The following VPS41 variants were observed in gnomAD, a reference collection of about 807,000 sequenced individuals.
The protein encoded by VPS41 is vacuolar protein sorting-associated protein 41 homolog.
In VPS41, 85 loss-of-function variants were observed where a neutral mutation model predicts 130.9. The observed-to-expected ratio is 0.65, with a 90% confidence interval of 0.55 to 0.78. The LOEUF (loss-of-function observed/expected upper bound fraction) is 0.78, where lower values mean the gene tolerates loss of function less well. Among genes scored for constraint, VPS41 ranks in the 30% least tolerant of loss-of-function variants. The pLI is 0.00. For missense variants in VPS41, 874 were observed against 1,018.7 expected (o/e 0.86, Z 1.93); for synonymous variants, 335 against 332.9 (o/e 1.01, Z -0.07).
intron 5 of VPS41, among the ~76,000 whole-genome samples, chr7:38,826,513 A>C (rs1785282505): frequency 1.3e-5 from 2 of 152,204 alleles, no homozygotes; most frequent in Non-Finnish European, 2.9e-5. Flanking sequence ...GAAAAACAGG[A>C]AGATGACGAC....
chr7:38,896,206 G>A (rs923380662), intron 2 of VPS41, among the ~76,000 whole-genome samples: 8 of 152,216 alleles, frequency 5.3e-5, no homozygotes, highest in African/African-American at 1.9e-4. Context: ...CCTCAACAGA[G>A]TTCCAGCACT....
intron 4 of VPS41, among the ~76,000 whole-genome samples, chr7:38,844,614 C>T (rs908610861): frequency 6.6e-6 from 1 of 152,102 alleles, no homozygotes; most frequent in Admixed American, 6.6e-5. Flanking sequence ...AATAATTTTG[C>T]CCATCCATGT....
chr7:38,747,794 G>A (rs1796016058), intron 22 of VPS41, among the ~76,000 whole-genome samples: 2 of 152,150 alleles, frequency 1.3e-5, no homozygotes, highest in African/African-American at 4.8e-5. Flanking sequence ...CTACTATGTG[G>A]GACAGAGTAG....
At chr7:38,885,759 G>A (rs1431280403) in intron 2 of VPS41, among the ~76,000 whole-genome samples, 1 of 152,138 alleles carries the variant, frequency 6.6e-6, no homozygotes, top group African/African-American at 2.4e-5. Flanking sequence ...TATCAAAGTA[G>A]CCATTAGAAA....
chr7:38,742,441 G>C (rs1283955474), intron 24 of VPS41, among the ~76,000 whole-genome samples: 1 of 152,098 alleles, frequency 6.6e-6, no homozygotes, highest in African/African-American at 2.4e-5. Context: ...ATTGACAACT[G>C]ACTATGGCTC....
At chr7:38,847,030 G>A (rs1474783142) in intron 4 of VPS41, among the ~76,000 whole-genome samples, 1 of 152,030 alleles carries the variant, frequency 6.6e-6, no homozygotes, top group East Asian at 1.9e-4. Flanking sequence ...ACCGTGTCTG[G>A]CCCAGTAGAC....
chr7:38,872,626 C>T (rs1786394834), intron 2 of VPS41, among the ~76,000 whole-genome samples: 1 of 152,114 alleles, frequency 6.6e-6, no homozygotes, highest in African/African-American at 2.4e-5. Flanking sequence ...GAAGTATATG[C>T]ACAGTTATCC....
chr7:38,879,570 G>A (rs187368188), intron 2 of VPS41, among the ~76,000 whole-genome samples: 29 of 152,260 alleles, frequency 1.9e-4, no homozygotes, highest in African/African-American at 6.5e-4. Flanking sequence ...GACTGGTTTT[G>A]TGGAAGACAA....
chr7:38,734,840 G>A (rs1795732305), intron 25 of VPS41, among the ~76,000 whole-genome samples: 1 of 152,128 alleles, frequency 6.6e-6, no homozygotes, highest in Admixed American at 6.5e-5. Flanking sequence ...GGTTTTAAAA[G>A]CCCCCAATAT....
At position 38,897,623 on chromosome 7, in the gene VPS41, C is replaced by A. The variant is rs141469461; in HGVS notation, c.60+468G>T. 5.8e-3 allele frequency among the ~76,000 whole-genome samples: 763 copies of A among 132,462 alleles called. 6 individuals carry two copies. Among genetic ancestry groups the A allele is most frequent in the African/African-American group, 0.02 (688 of 34,580 alleles). The allele number at this position is 132,462 out of a possible 152,430, so 86.9% of individuals were successfully genotyped here. ...TGGAGCCACTACACTCCAGCCTGGGCAACAGAGCGAGACTCCGTCTCAAAA... is the reference window on the plus strand; with the variant it reads ...TGGAGCCACTACACTCCAGCCTGGGAAACAGAGCGAGACTCCGTCTCAAAA... On this transcript the variant is annotated intron_variant, in intron 2 of 28. Coordinates refer to ENST00000310301, the MANE Select transcript of VPS41 (RefSeq NM_014396.4).
intron 4 of VPS41, among the ~76,000 whole-genome samples, chr7:38,837,430 G>A (rs1423525067): frequency 6.6e-6 from 1 of 152,218 alleles, no homozygotes; most frequent in Non-Finnish European, 1.5e-5. Flanking sequence ...ATCTATACCA[G>A]GAGGGTAGCA....
At chr7:38,767,623 G>A (rs1009934376) in intron 14 of VPS41, 25 bp from the exon 15 acceptor site, 3 of 1,586,646 alleles carry the variant, frequency 1.9e-6, no homozygotes, top group Non-Finnish European at 2.6e-6. Context: ...ATGAAGAAAT[G>A]TCAAAATTTA....
chr7:38,839,351 T>TACAAA (rs765346774), intron 4 of VPS41, among the ~76,000 whole-genome samples: 20 of 152,230 alleles, frequency 1.3e-4, no homozygotes, highest in Non-Finnish European at 2.1e-4. Flanking sequence ...TCTATACATC[T>TACAAA]ACAAAACAAA....
At chr7:38,898,236 G>C in intron 1 of VPS41, 107 bp from the exon 2 acceptor site, 2 of 902,908 alleles carry the variant, frequency 2.2e-6, no homozygotes, top group South Asian at 2.8e-5. Flanking sequence ...TGCCCTTTTT[G>C]GAAGAGAATC....
chr7:38,870,461 T>G (rs1036816454), intron 2 of VPS41, among the ~76,000 whole-genome samples: 1 of 152,114 alleles, frequency 6.6e-6, no homozygotes, highest in Non-Finnish European at 1.5e-5. Flanking sequence ...CCCTTAGAGT[T>G]CTGACTCAGC....
intron 2 of VPS41, among the ~76,000 whole-genome samples, chr7:38,882,762 T>C (rs1486091033): frequency 6.6e-6 from 1 of 152,248 alleles, no homozygotes; most frequent in East Asian, 1.9e-4. Flanking sequence ...TCAGGAAATC[T>C]GTTGGCTATA....
rs1255100826 is a variant in VPS41, at chr7:38,795,593, T to C, written c.589A>G (p.Ile197Val). Residue 197 changes from isoleucine (I) to valine (V), a missense_variant, in exon 9 of 29, where the codon ATC (isoleucine) becomes GTC (valine). By Grantham distance (29) the Ile-to-Val change is conservative. Transcript: ENST00000310301. ...ANNMGVKIFD[I>V]ISKQRITNVP... ...TTGGTGATTCTTTGCTTTGAGATGA[T>C]GTCAAAAATCTTCACACCCTGGAAA... The C allele has an allele frequency of 1.2e-6, 2 of 1,611,726 alleles. No homozygotes were observed. The highest frequency in any genetic ancestry group is 1.7e-4 in the Middle Eastern group (1 of 6,042).
At chr7:38,866,378 T>C (rs556144841) in intron 3 of VPS41, among the ~76,000 whole-genome samples, 10 of 152,338 alleles carry the variant, frequency 6.6e-5, no homozygotes, top group Middle Eastern at 3.4e-3. Context: ...GATTCTTTTA[T>C]TTACTCTGTG....
intron 24 of VPS41, among the ~76,000 whole-genome samples, chr7:38,743,151 T>C (rs1030218001): frequency 9.2e-5 from 14 of 152,126 alleles, no homozygotes; most frequent in African/African-American, 3.4e-4. Flanking sequence ...ATATGCCTCA[T>C]GGGGACACAA....
Sources: allele counts gnomAD v4.1 joint callset (sites outside exome capture counted in the v4.1 genomes callset), GRCh38; gene constraint gnomAD v4.1.1; transcripts MANE v1.5; gene names NCBI Gene and HGNC (gene_info 2026-07-23, HGNC 2026-07-21).